The following STPG1 variants were observed in gnomAD, a reference collection of about 807,000 sequenced individuals.
STPG1 encodes sperm tail PG-rich repeat containing 1, also known as O(6)-methylguanine-induced apoptosis 2.
STPG1 carries 33 observed loss-of-function variants against 40.1 expected under a neutral mutation model. The ratio of observed to expected loss-of-function variants is 0.82; its 90% confidence interval spans 0.62 to 1.10. The LOEUF is 1.10. Among genes scored for constraint, STPG1 ranks in the 50% least tolerant of loss-of-function variants. The probability of loss-of-function intolerance (pLI) is 0.00; values close to 1 mark genes in which losing one functional copy is unlikely to be tolerated. For missense variants in STPG1, 396 were observed against 415.1 expected (o/e 0.95, Z 0.40); for synonymous variants, 150 against 155.0 (o/e 0.97, Z 0.24).
chr1:24,396,868 T>C (rs1472678377), intron 2 of STPG1, among the ~76,000 whole-genome samples: 2 of 152,148 alleles, frequency 1.3e-5, no homozygotes, highest in African/African-American at 4.8e-5. Flanking sequence ...ATAATCTAAA[T>C]ATCCCAATTA....
At chr1:24,380,884 T>C (rs1642253772) in intron 4 of STPG1, among the ~76,000 whole-genome samples, 1 of 152,204 alleles carries the variant, frequency 6.6e-6, no homozygotes, top group Non-Finnish European at 1.5e-5. Context: ...ACTCGAATTC[T>C]AATAAGAAGT....
In STPG1 at chr1:24,404,726, A is replaced by C. The variant is rs574883074; in HGVS notation, c.-68-3270T>G. On this transcript the variant is annotated intron_variant, in intron 1 of 8. Coordinates refer to ENST00000337248, the MANE Select transcript of STPG1 (RefSeq NM_001199013.2). The stretch of plus-strand genomic sequence containing the variant: ...TAAAGTCATTTATTATCCTTTCAAT[A>C]TCTGCAGGTTCTGTAGTGATGTCCC... Among the ~76,000 whole-genome samples the C allele has an allele frequency of 7.8e-4, 118 of 152,234 alleles. 1 individual carries two copies. The highest frequency in any genetic ancestry group is 1.9e-3 in the East Asian group (10 of 5,190).
intron 5 of STPG1, among the ~76,000 whole-genome samples, chr1:24,377,168 T>C (rs1056725379): frequency 6.6e-6 from 1 of 151,540 alleles, no homozygotes; most frequent in African/African-American, 2.4e-5. Context: ...GGCAGGAGAA[T>C]TACTTGAATT....
rs1641993682 is a variant in STPG1 at position 24,375,773 on chromosome 1, CTTTA to C, written c.463-1967_463-1964del. 2.0e-5 allele frequency among the ~76,000 whole-genome samples: 3 copies of C among 152,232 alleles called. No individual in the cohort carries two copies. The South Asian group carries it at 6.2e-4, about 32-fold the overall frequency. On this transcript the variant is annotated intron_variant, in intron 5 of 8. Transcript: ENST00000337248. ...ACCTGTAGACAAAACAGCACTTCAG[CTTTA>C]TTTTTCACCCAGACAGAAAAGCAAC... is the stretch of plus-strand genomic sequence containing the variant.
chr1:24,377,325 CA>C lies in STPG1; in HGVS notation c.462+2327del, dbSNP rs560739129. Among the ~76,000 whole-genome samples, 75 of 152,232 alleles carry C rather than the reference CA, an allele frequency of 4.9e-4. No individual in the cohort carries two copies. In the South Asian group the frequency reaches 0.015, roughly 30 times the overall value. On this transcript the variant is annotated intron_variant, in intron 5 of 8. Coordinates refer to ENST00000337248, the MANE Select transcript of STPG1 (RefSeq NM_001199013.2). ...CATGGGCTTCCTAGGACCCAGAGAA[CA>C]AAATGTGAACTTCCTCCTGGGATCT...
chr1:24,377,721 C>T (rs1642095170), intron 5 of STPG1, among the ~76,000 whole-genome samples: 1 of 152,182 alleles, frequency 6.6e-6, no homozygotes, highest in Non-Finnish European at 1.5e-5. Flanking sequence ...TATCACCAGC[C>T]TGGCACAGAG....
chr1:24,369,657 G>A lies in STPG1; in HGVS notation c.737+17C>T, dbSNP rs1641639044. The A allele has an allele frequency of 6.4e-7, 1 of 1,570,532 alleles. No homozygotes were observed. The highest frequency in any genetic ancestry group is 1.2e-5 in the South Asian group (1 of 85,676). ...CAACCACCTTTCAAAAGAAAGACCA[G>A]AATGATTGGGACTCACGGGAAAAGA... On this transcript the variant is annotated intron_variant, in intron 7 of 8. Transcript: ENST00000337248.
At chr1:24,385,110 C>T (rs1331391684) in intron 3 of STPG1, among the ~76,000 whole-genome samples, 1 of 152,200 alleles carries the variant, frequency 6.6e-6, no homozygotes, top group Non-Finnish European at 1.5e-5. Flanking sequence ...GTCCTGTCTC[C>T]ACCATCCCTA....
chr1:24,387,005 TCATCAC>T (rs1211274716), intron 3 of STPG1, among the ~76,000 whole-genome samples: 3 of 152,066 alleles, frequency 2.0e-5, no homozygotes, highest in South Asian at 2.1e-4. Context: ...GCCATCATCA[TCATCAC>T]CATCACCATC....
intron 8 of STPG1, 43 bp downstream of exon 8, chr1:24,360,808 C>A: frequency 2.0e-6 from 3 of 1,530,640 alleles, no homozygotes; most frequent in South Asian, 2.5e-5. Context: ...CAAACAGTTC[C>A]AGAAGATTTG....
chr1:24,379,956 T>C, intron 4 of STPG1, 133 bp from the exon 5 acceptor site: 2 of 856,284 alleles, frequency 2.3e-6, no homozygotes, highest in Non-Finnish European at 3.5e-6. Context: ...GCAGTAACAA[T>C]GATAAACTGA....
intron 2 of STPG1, among the ~76,000 whole-genome samples, chr1:24,395,558 G>A (rs1405507974): frequency 2.7e-5 from 4 of 150,100 alleles, no homozygotes; most frequent in African/African-American, 9.8e-5. Flanking sequence ...TCAGCCTCCC[G>A]AGTAGCTGGG....
At position 24,360,844 on chromosome 1, in the gene STPG1, C is replaced by G; in HGVS notation, c.928+7G>C. 6.2e-7 allele frequency: 1 copy of G among 1,604,560 alleles called. No homozygotes were observed. The highest frequency in any genetic ancestry group is 2.2e-5 in the East Asian group (1 of 44,714). ...GTTTTTACAATCATTTAAAACAATCCTCTGACCTGGGCCAGGCAGGCCTGG... is the reference window on the plus strand; with the variant it reads ...GTTTTTACAATCATTTAAAACAATCGTCTGACCTGGGCCAGGCAGGCCTGG... On this transcript the variant is annotated splice_region_variant and intron_variant, in intron 8 of 8. Transcript: ENST00000337248.
chr1:24,381,423 A>G (rs1383584868), intron 4 of STPG1, among the ~76,000 whole-genome samples: 2 of 152,218 alleles, frequency 1.3e-5, no homozygotes, highest in African/African-American at 4.8e-5. Context: ...TGTGGCCTCC[A>G]ATCTGGCCAA....
chr1:24,409,543 A>T (rs1258512437), intron 1 of STPG1, among the ~76,000 whole-genome samples: 1 of 152,248 alleles, frequency 6.6e-6, no homozygotes, highest in East Asian at 1.9e-4. Context: ...CCTTGTCTGT[A>T]GCTTTATTTT....
chr1:24,359,560 A>G lies in STPG1; in HGVS notation c.929-941T>C, dbSNP rs1640957892. On this transcript the variant is annotated intron_variant, in intron 8 of 8. Coordinates refer to ENST00000337248, the MANE Select transcript of STPG1 (RefSeq NM_001199013.2). This position sits in a 1 kb window ranked among gnomAD's most constrained non-coding sequence, Gnocchi z 5.3. Reference sequence around the variant, plus strand: ...ACCTTCTCCTGGCCCAGTCTGCCTTATGTTAGTCTCACCTGTGAGTATGGA... The same window carrying G: ...ACCTTCTCCTGGCCCAGTCTGCCTTGTGTTAGTCTCACCTGTGAGTATGGA... Among the ~76,000 whole-genome samples the G allele has an allele frequency of 6.6e-6, 1 of 152,166 alleles. No homozygotes were observed. The highest frequency in any genetic ancestry group is 6.5e-5 in the Admixed American group (1 of 15,282).
chr1:24,358,443 G>C lies in STPG1; in HGVS notation c.*100C>G. The C allele has an allele frequency of 9.8e-7, 1 of 1,019,998 alleles. No individual in the cohort carries two copies. The highest frequency in any genetic ancestry group is 1.3e-5 in the South Asian group (1 of 78,774). 63.2% of individuals were successfully genotyped at this position (1,019,998 alleles called of 1,614,324 possible). On this transcript the variant is annotated 3_prime_UTR_variant, in exon 9 of 9. Coordinates refer to ENST00000337248, the MANE Select transcript of STPG1 (RefSeq NM_001199013.2). ...GGTAGAGCCACCCCCCAAGTTGTCAGCTGCCACACTCATGATCGGTCTCCT... is the reference window on the plus strand; with the variant it reads ...GGTAGAGCCACCCCCCAAGTTGTCACCTGCCACACTCATGATCGGTCTCCT...
chr1:24,372,897 A>C (rs1437636866), intron 6 of STPG1, among the ~76,000 whole-genome samples: 2 of 152,110 alleles, frequency 1.3e-5, no homozygotes, highest in Non-Finnish European at 1.5e-5. Context: ...ATAATCTAAT[A>C]TAATAAGTGC....
intron 2 of STPG1, among the ~76,000 whole-genome samples, chr1:24,400,726 G>A (rs1318325018): frequency 1.3e-5 from 2 of 152,144 alleles, no homozygotes; most frequent in Admixed American, 6.5e-5. Flanking sequence ...CCACACTAAC[G>A]AACCAGAACA....
Sources: gnomAD v4.1 joint callset for allele counts (sites outside exome capture counted in the v4.1 genomes callset) on GRCh38, gnomAD v4.1.1 for gene constraint, Gnocchi (gnomAD v3.1) non-coding constraint, MANE v1.5 for transcripts, NCBI Gene and HGNC (gene_info 2026-07-23, HGNC 2026-07-21) for gene names.